Variants in AOAH observed in about 807,000 individuals in gnomAD.
AOAH encodes the protein acyloxyacyl hydrolase (neutrophil).
A neutral mutation model predicts 92.2 loss-of-function variants in AOAH; 64 were observed. That is an observed-to-expected ratio of 0.69 (90% CI 0.57 to 0.86). AOAH has a LOEUF of 0.86. AOAH is among the 40% of genes least tolerant of loss of function. The pLI is 0.00. For missense variants in AOAH, 656 were observed against 694.6 expected (o/e 0.94, Z 0.62); for synonymous variants, 263 against 254.5 (o/e 1.03, Z -0.32).
intron 16 of AOAH, among the ~76,000 whole-genome samples, chr7:36,532,729 C>T (rs1182742780): frequency 1.3e-5 from 2 of 152,198 alleles, no homozygotes; most frequent in Non-Finnish European, 2.9e-5. Context: ...GTATGAAATG[C>T]TCCCTGCATG....
intron 20 of AOAH, among the ~76,000 whole-genome samples, chr7:36,517,449 G>C (rs1783852672): frequency 1.3e-5 from 2 of 151,424 alleles, no homozygotes; most frequent in African/African-American, 4.9e-5. Context: ...TCTATTCATA[G>C]TCTAAAATAT....
intron 14 of AOAH, 75 bp downstream of exon 14, chr7:36,549,364 G>C: frequency 9.1e-7 from 1 of 1,095,856 alleles, no homozygotes; most frequent in African/African-American, 1.6e-5. Context: ...AATGATTATG[G>C]GGTAATAACA....
rs142858220 is a variant in AOAH at position 36,517,262 on chromosome 7, C to CTCTTTCTTTCTTTCTTTCTT, written c.1600-3902_1600-3883dup. Reference sequence around the variant, plus strand: ...TCTCTCTCTTTCTTTCTGTGTCTCTCTCTTTCTTTCTTTCTTTCTTTCTTT... The same window carrying CTCTTTCTTTCTTTCTTTCTT: ...TCTCTCTCTTTCTTTCTGTGTCTCTCTCTTTCTTTCTTTCTTTCTTTCTTTCTTTCTTTCTTTCTTTCTTT... On this transcript the variant is annotated intron_variant, in intron 20 of 20. Coordinates refer to ENST00000617537, the MANE Select transcript of AOAH (RefSeq NM_001637.4). Among the ~76,000 whole-genome samples the CTCTTTCTTTCTTTCTTTCTT allele has an allele frequency of 2.8e-3, 374 of 132,688 alleles. 15 individuals are homozygous for CTCTTTCTTTCTTTCTTTCTT. Among genetic ancestry groups the CTCTTTCTTTCTTTCTTTCTT allele is most frequent in the African/African-American group, 0.011 (360 of 31,946 alleles). 87.0% of individuals were successfully genotyped at this position (132,688 alleles called of 152,430 possible).
intron 13 of AOAH, among the ~76,000 whole-genome samples, chr7:36,573,440 T>A (rs1043582815): frequency 2.0e-5 from 3 of 152,142 alleles, no homozygotes; most frequent in African/African-American, 7.2e-5. Flanking sequence ...CGTTATAGGG[T>A]CAGGCACAGT....
intron 13 of AOAH, among the ~76,000 whole-genome samples, chr7:36,552,726 T>A (rs1786362173): frequency 6.6e-6 from 1 of 152,204 alleles, no homozygotes; most frequent in Non-Finnish European, 1.5e-5. Context: ...CTCCCCTCCA[T>A]GCCTCCCCAC....
chr7:36,616,085 C>T (rs1359222736), intron 11 of AOAH, among the ~76,000 whole-genome samples: 4 of 152,312 alleles, frequency 2.6e-5, no homozygotes, highest in Non-Finnish European at 4.4e-5. Context: ...CTGACCTCCA[C>T]GGGGAAGCCG....
chr7:36,559,838 G>C (rs1787125900), intron 13 of AOAH, among the ~76,000 whole-genome samples: 1 of 151,994 alleles, frequency 6.6e-6, no homozygotes, highest in Non-Finnish European at 1.5e-5. Context: ...GTGTTTCCTA[G>C]GTTTTCTTCT....
intron 11 of AOAH, among the ~76,000 whole-genome samples, chr7:36,601,221 A>G (rs1364229406): frequency 1.3e-5 from 2 of 152,242 alleles, no homozygotes; most frequent in Non-Finnish European, 2.9e-5. Flanking sequence ...AATATAGACA[A>G]CTTCAAGAAA....
At chr7:36,656,368 T>A (rs1794893974) in intron 4 of AOAH, among the ~76,000 whole-genome samples, 1 of 152,222 alleles carries the variant, frequency 6.6e-6, no homozygotes, top group Non-Finnish European at 1.5e-5. Context: ...GAATAGTGGC[T>A]ACTCTGGGGA....
chr7:36,594,296 C>T (rs1789944052), intron 12 of AOAH, 43 bp downstream of exon 12: 1 of 1,473,540 alleles, frequency 6.8e-7, no homozygotes, highest in Non-Finnish European at 9.5e-7. Context: ...TCTTTCCTTA[C>T]ACAGAGGTAT....
At position 36,616,368 on chromosome 7, in the gene AOAH, A is replaced by C; in HGVS notation, c.846+12T>G. The C allele has an allele frequency of 1.2e-6, 2 of 1,609,742 alleles. No individual in the cohort carries two copies. The highest frequency in any genetic ancestry group is 1.7e-6 in the Non-Finnish European group (2 of 1,176,180). ...CAGCACATCTGGAATGATTACTGCCAAAATTACTTACCAAAGACATCTGCG... is the reference window on the plus strand; with the variant it reads ...CAGCACATCTGGAATGATTACTGCCCAAATTACTTACCAAAGACATCTGCG... On this transcript the variant is annotated intron_variant, in intron 11 of 20. Transcript: ENST00000617537.
At chr7:36,704,174 C>A (rs887927545) in intron 1 of AOAH, among the ~76,000 whole-genome samples, 2 of 151,944 alleles carry the variant, frequency 1.3e-5, no homozygotes, top group Non-Finnish European at 2.9e-5. Context: ...CTGTTCACAT[C>A]CTTCGCCCAC....
chr7:36,621,559 G>C, intron 8 of AOAH, 151 bp downstream of exon 8: 1 of 803,124 alleles, frequency 1.2e-6, no homozygotes, highest in East Asian at 2.5e-5. Flanking sequence ...AATGAATGCC[G>C]TTCTTTTTTC....
chr7:36,669,475 T>C (rs1446623625), intron 3 of AOAH, among the ~76,000 whole-genome samples: 1 of 150,350 alleles, frequency 6.7e-6, no homozygotes, highest in African/African-American at 2.4e-5. Context: ...CTCCACCTCC[T>C]GGGTTCAAGT....
At chr7:36,712,512 C>T (rs1351139467) in intron 1 of AOAH, among the ~76,000 whole-genome samples, 1 of 152,148 alleles carries the variant, frequency 6.6e-6, no homozygotes, top group Non-Finnish European at 1.5e-5. Flanking sequence ...CAAAAATTAA[C>T]ATGTCTTATC....
intron 13 of AOAH, among the ~76,000 whole-genome samples, chr7:36,558,071 G>A (rs1786918073): frequency 6.6e-6 from 1 of 152,210 alleles, no homozygotes; most frequent in Admixed American, 6.5e-5. Flanking sequence ...CTGCTTTTTA[G>A]AGTTTCCAGT....
At chr7:36,586,637 C>T (rs1475476568) in intron 12 of AOAH, among the ~76,000 whole-genome samples, 2 of 151,946 alleles carry the variant, frequency 1.3e-5, no homozygotes, top group African/African-American at 4.8e-5. Flanking sequence ...CAAACTTTTG[C>T]TCTCAGGACC....
intron 3 of AOAH, among the ~76,000 whole-genome samples, chr7:36,667,136 T>C (rs1411925429): frequency 6.6e-6 from 1 of 152,194 alleles, no homozygotes; most frequent in Non-Finnish European, 1.5e-5. Flanking sequence ...AGTTTTAATC[T>C]CCATGGTTTC....
chr7:36,611,908 C>T (rs565604585), intron 11 of AOAH, among the ~76,000 whole-genome samples: 34 of 152,314 alleles, frequency 2.2e-4, no homozygotes, highest in African/African-American at 4.6e-4. Flanking sequence ...TTCAGGATTA[C>T]GCTGACAGGC....
Sources: allele counts gnomAD v4.1 joint callset (sites outside exome capture counted in the v4.1 genomes callset), GRCh38; gene constraint gnomAD v4.1.1; transcripts MANE v1.5; gene names NCBI Gene and HGNC (gene_info 2026-07-23, HGNC 2026-07-21).